The following HCLS1 variants were observed in gnomAD, a reference collection of about 807,000 sequenced individuals.
HCLS1 encodes hematopoietic lineage cell-specific protein.
Under a neutral mutation model 68.6 loss-of-function variants are expected in HCLS1, and 44 were observed. The observed-to-expected ratio is 0.64, with a 90% CI of 0.50 to 0.82. HCLS1 has a LOEUF of 0.82. HCLS1 is among the 40% of genes least tolerant of loss of function. The pLI is 0.00. For missense variants in HCLS1, 602 were observed against 612.1 expected (o/e 0.98, Z 0.17); for synonymous variants, 217 against 225.8 (o/e 0.96, Z 0.35).
At chr3:121,638,043 A>C (rs2049166220) in intron 6 of HCLS1, among the ~76,000 whole-genome samples, 1 of 152,106 alleles carries the variant, frequency 6.6e-6, no homozygotes, top group Admixed American at 6.5e-5. Context: ...ATAATTATGA[A>C]CTGACACCAC....
At chr3:121,660,481 A>G (rs1340789913) in intron 1 of HCLS1, among the ~76,000 whole-genome samples, 1 of 152,102 alleles carries the variant, frequency 6.6e-6, no homozygotes, top group Non-Finnish European at 1.5e-5. Context: ...AAGGGCAGAC[A>G]CTGTTTTCGT....
At chr3:121,658,861 T>G (rs1346967624) in intron 1 of HCLS1, among the ~76,000 whole-genome samples, 1 of 152,222 alleles carries the variant, frequency 6.6e-6, no homozygotes, top group Non-Finnish European at 1.5e-5. Flanking sequence ...TGAGAATTTT[T>G]CCAGCCTCTG....
At chr3:121,632,627 A>T in intron 11 of HCLS1, 64 bp from the exon 12 acceptor site, 2 of 1,469,866 alleles carry the variant, frequency 1.4e-6, no homozygotes, top group Non-Finnish European at 1.9e-6. Context: ...TGGAGGACTG[A>T]TAAGATCCCC....
Position 121,644,974 on chromosome 3 carries a change from T to C in HCLS1, c.289-46A>G, listed in dbSNP as rs1305304151. 3 of 1,434,046 alleles carry C rather than the reference T, an allele frequency of 2.1e-6. No homozygotes were observed. In the East Asian group the frequency reaches 6.8e-5, roughly 33 times the overall value. The allele number at this position is 1,434,046 out of a possible 1,614,324, so 88.8% of individuals were successfully genotyped here. ...AGTGAGTGAAAAGATAAAAATGACC[T>C]TAAAAAAATAAATACAGATATGGAG... is the stretch of plus-strand genomic sequence containing the variant. On this transcript the variant is annotated intron_variant, in intron 4 of 13. Coordinates refer to ENST00000314583, the MANE Select transcript of HCLS1 (RefSeq NM_005335.6).
intron 6 of HCLS1, 102 bp from the exon 7 acceptor site, chr3:121,637,358 G>A (rs1029307090): frequency 9.9e-5 from 75 of 759,534 alleles, no homozygotes; most frequent in African/African-American, 7.2e-4. Context: ...GAGTGTTAGG[G>A]GCCTGGGAAA....
In HCLS1 at chr3:121,658,429, T is replaced by C. The variant is rs528985293; in HGVS notation, c.1-82A>G. 2.7e-5 allele frequency: 28 copies of C among 1,032,200 alleles called. 1 individual carries two copies. The highest frequency in any genetic ancestry group is 2.2e-4 in the East Asian group (9 of 41,502). 63.9% of individuals were successfully genotyped at this position (1,032,200 alleles called of 1,614,324 possible). A position where few individuals can be genotyped will look rare whatever the true frequency, so the allele number is the denominator to read the frequency against. On this transcript the variant is annotated intron_variant, in intron 1 of 13. Coordinates refer to ENST00000314583, the MANE Select transcript of HCLS1 (RefSeq NM_005335.6). ...AAATAGGAATGCTGAAGTCAAAATA[T>C]AGCAGCCCAATATTTCCTGCCATTT...
intron 4 of HCLS1, among the ~76,000 whole-genome samples, chr3:121,646,630 T>G (rs1443866679): frequency 8.6e-6 from 1 of 116,220 alleles, no homozygotes; most frequent in Non-Finnish European, 1.6e-5. Context: ...TTATATATTA[T>G]AAGTATATAT....
chr3:121,652,630 A>G (rs1937775123), intron 3 of HCLS1, among the ~76,000 whole-genome samples: 1 of 152,214 alleles, frequency 6.6e-6, no homozygotes, highest in Non-Finnish European at 1.5e-5. Context: ...ACTGCACTCC[A>G]GCCTGGATGA....
At chr3:121,657,182 C>A in intron 3 of HCLS1, 97 bp downstream of exon 3, 1 of 961,338 alleles carries the variant, frequency 1.0e-6, no homozygotes, top group Non-Finnish European at 1.6e-6. Flanking sequence ...ATGAACTACC[C>A]TATCCTTTTC....
At chr3:121,643,112 G>A (rs2049216577) in intron 5 of HCLS1, 131 bp from the exon 6 acceptor site, 1 of 704,660 alleles carries the variant, frequency 1.4e-6, no homozygotes, top group African/African-American at 1.7e-5. Context: ...GGTGTTTAAT[G>A]TAGAAACAGG....
At chr3:121,632,602 TC>T in intron 11 of HCLS1, 39 bp from the exon 12 acceptor site, 1 of 1,577,422 alleles carries the variant, frequency 6.3e-7, no homozygotes, top group Non-Finnish European at 8.6e-7. Flanking sequence ...ACTTCCACTT[TC>T]CAGGAGGAAT....
chr3:121,634,155 C>T lies in HCLS1; in HGVS notation c.903+52G>A. The T allele has an allele frequency of 9.3e-6, 15 of 1,611,022 alleles. No homozygotes were observed. The South Asian group carries it at 1.6e-4, about 18-fold the overall frequency. On this transcript the variant is annotated intron_variant, in intron 10 of 13. Transcript: ENST00000314583. ...GCCAATGGTTTGGACCCCTTAGGCT[C>T]CTGTCTGGGCAAGAGATCCTGGATG...
At chr3:121,640,521 T>G (rs1270167153) in intron 6 of HCLS1, among the ~76,000 whole-genome samples, 1 of 151,990 alleles carries the variant, frequency 6.6e-6, no homozygotes, top group Non-Finnish European at 1.5e-5. Flanking sequence ...GCAAAGTACA[T>G]GTTTAAAATA....
Position 121,650,390 on chromosome 3 carries a change from G to T in HCLS1, c.159-2942C>A, listed in dbSNP as rs62268731. Among the ~76,000 whole-genome samples, 20 of 150,970 alleles carry T rather than the reference G, an allele frequency of 1.3e-4. No individual in the cohort carries two copies. The South Asian group carries it at 3.8e-3, about 28-fold the overall frequency. ...TTTTGTTTCTTTTTTTTTTTTTAAG[G>T]AGAGCAAAGTTGAGGACTACATAAT... On this transcript the variant is annotated intron_variant, in intron 3 of 13. Coordinates refer to ENST00000314583, the MANE Select transcript of HCLS1 (RefSeq NM_005335.6).
At chr3:121,657,440 C>T (rs2107481220) in intron 2 of HCLS1, 88 bp from the exon 3 acceptor site, 1 of 1,131,938 alleles carries the variant, frequency 8.8e-7, no homozygotes. Context: ...CCCTCCATGT[C>T]CCCTGTGTCC....
At position 121,636,475 on chromosome 3, in the gene HCLS1, A is replaced by G. The variant is rs779291945; in HGVS notation, c.580T>C (p.Phe194Leu). 1.2e-6 allele frequency: 2 copies of G among 1,613,872 alleles called. No homozygotes were observed. Among genetic ancestry groups the G allele is most frequent in the South Asian group, 2.2e-5 (2 of 91,076 alleles). The change falls in exon 8 of 14, where the codon TTT becomes CTT. Residue 194 changes from phenylalanine (F) to leucine (L), a missense_variant. Physicochemically the swap from Phe to Leu is conservative, Grantham distance 22 (BLOSUM62 0). Coordinates refer to ENST00000314583, the MANE Select transcript of HCLS1 (RefSeq NM_005335.6). ...HESQRDYAKG[F>L]GGQYGIQKDR... ...TTCTGGATTCCATACTGGCCACCAAAGCCCTTGGCATAATCTGCAGGACAG... is the reference window on the plus strand; with the variant it reads ...TTCTGGATTCCATACTGGCCACCAAGGCCCTTGGCATAATCTGCAGGACAG...
At chr3:121,659,143 G>A (rs1937935926) in intron 1 of HCLS1, among the ~76,000 whole-genome samples, 1 of 152,188 alleles carries the variant, frequency 6.6e-6, no homozygotes, top group Non-Finnish European at 1.5e-5. Context: ...GAGGTACTCA[G>A]TTTTTATCAA....
chr3:121,659,097 AG>A (rs1415200042), intron 1 of HCLS1, among the ~76,000 whole-genome samples: 3 of 152,370 alleles, frequency 2.0e-5, no homozygotes, highest in Middle Eastern at 3.4e-3. Context: ...AAAAGAAAAA[AG>A]AATAATATGT....
chr3:121,636,661 A>T (rs1459722963), intron 7 of HCLS1, among the ~76,000 whole-genome samples, 172 bp from the exon 8 acceptor site: 1 of 152,222 alleles, frequency 6.6e-6, no homozygotes, highest in Non-Finnish European at 1.5e-5. Context: ...ATGGGGAAAA[A>T]ATCTGGGAGC....
Sources: allele counts gnomAD v4.1 joint callset (sites outside exome capture counted in the v4.1 genomes callset), GRCh38; gene constraint gnomAD v4.1.1; transcripts MANE v1.5; gene names NCBI Gene and HGNC (gene_info 2026-07-23, HGNC 2026-07-21).